Variants in SORCS2 observed in about 807,000 individuals in gnomAD.
SORCS2 encodes the protein VPS10 domain-containing receptor SorCS2.
SORCS2 carries 100 observed loss-of-function variants against 141.6 expected under a neutral mutation model. The observed-to-expected ratio is 0.71, with a 90% CI of 0.60 to 0.83. The LOEUF (loss-of-function observed/expected upper bound fraction) is 0.83. Ranked by LOEUF, SORCS2 falls within the 40% of genes least tolerant of loss-of-function variation. SORCS2 has a pLI of 0.00. For missense variants in SORCS2, 1,646 were observed against 1,560.2 expected, an observed-to-expected ratio of 1.05 and a Z score of -0.93; for synonymous variants, 789 against 676.9, an observed-to-expected ratio of 1.17 and a Z score of -2.57.
chr4:7,412,743 C>A (rs936736246), intron 2 of SORCS2, among the ~76,000 whole-genome samples: 1 of 152,072 alleles, frequency 6.6e-6, no homozygotes, highest in Non-Finnish European at 1.5e-5. Flanking sequence ...CCCCAAGCAC[C>A]CTTGCTGCTT....
At chr4:7,226,445 G>A (rs1463595520) in intron 1 of SORCS2, among the ~76,000 whole-genome samples, 1 of 152,220 alleles carries the variant, frequency 6.6e-6, no homozygotes, top group South Asian at 2.1e-4. Context: ...GGTCAGTGCC[G>A]TTCCGTTTGC....
At chr4:7,739,067 A>G (rs942244605) in intron 26 of SORCS2, among the ~76,000 whole-genome samples, 1 of 152,128 alleles carries the variant, frequency 6.6e-6, no homozygotes, top group Non-Finnish European at 1.5e-5. Context: ...ACACCGTCTG[A>G]CTTCCCGGAG....
chr4:7,707,883 C>A (rs1577100046), intron 14 of SORCS2, among the ~76,000 whole-genome samples: 1 of 152,126 alleles, frequency 6.6e-6, no homozygotes, highest in East Asian at 1.9e-4. Flanking sequence ...GGGCCCATCA[C>A]CCCCAGGACC....
intron 1 of SORCS2, among the ~76,000 whole-genome samples, chr4:7,336,292 T>C (rs996765762): frequency 2.0e-5 from 3 of 152,174 alleles, no homozygotes; most frequent in Admixed American, 6.5e-5. Context: ...AGCGGGCAGC[T>C]TGGGGATGCT....
chr4:7,636,069 C>T (rs1269193473), intron 3 of SORCS2, among the ~76,000 whole-genome samples: 1 of 152,218 alleles, frequency 6.6e-6, no homozygotes, highest in Non-Finnish European at 1.5e-5. Flanking sequence ...TGCCATTGCC[C>T]ACTGCCCTCC....
chr4:7,611,438 A>G (rs902752834), intron 3 of SORCS2, among the ~76,000 whole-genome samples: 1 of 152,254 alleles, frequency 6.6e-6, no homozygotes, highest in Middle Eastern at 3.4e-3. Flanking sequence ...GCCGACCAGC[A>G]CCCTGAGACT....
intron 2 of SORCS2, among the ~76,000 whole-genome samples, chr4:7,403,991 ATATATATTTT>A (rs1193867719): frequency 7.9e-4 from 4 of 5,052 alleles, no homozygotes; most frequent in African/African-American, 1.5e-3. Flanking sequence ...ATATATATAT[ATATATATTTT>A]TTTTTTTTTT....
intron 2 of SORCS2, among the ~76,000 whole-genome samples, chr4:7,448,021 G>A (rs1236211923): frequency 6.6e-6 from 1 of 152,156 alleles, no homozygotes; most frequent in Non-Finnish European, 1.5e-5. Flanking sequence ...GTGTATGAGC[G>A]GCTCGTGCTG....
At chr4:7,287,536 A>C (rs912989540) in intron 1 of SORCS2, among the ~76,000 whole-genome samples, 2 of 152,242 alleles carry the variant, frequency 1.3e-5, no homozygotes, top group Non-Finnish European at 2.9e-5. Context: ...CTTCATGGCC[A>C]CTTGCATTTG....
At chr4:7,200,306 G>A (rs1030427962) in intron 1 of SORCS2, among the ~76,000 whole-genome samples, 73 of 152,160 alleles carry the variant, frequency 4.8e-4, no homozygotes, top group African/African-American at 1.7e-3. Flanking sequence ...CTGACCCCGG[G>A]GTCCCTCCCC....
intron 1 of SORCS2, among the ~76,000 whole-genome samples, chr4:7,219,272 A>G (rs1341497525): frequency 1.3e-5 from 2 of 152,046 alleles, no homozygotes; most frequent in African/African-American, 2.4e-5. Flanking sequence ...GAGGTAACCC[A>G]TGCGACAGCC....
At chr4:7,440,656 C>A (rs61365943) in intron 2 of SORCS2, among the ~76,000 whole-genome samples, 2 of 152,014 alleles carry the variant, frequency 1.3e-5, no homozygotes, top group African/African-American at 2.4e-5. Context: ...TCTCCCATCC[C>A]CTCTGCCTGG....
intron 3 of SORCS2, among the ~76,000 whole-genome samples, chr4:7,579,126 C>T (rs942563014): frequency 6.6e-6 from 1 of 152,164 alleles, no homozygotes; most frequent in Non-Finnish European, 1.5e-5. Context: ...TCCCCAGACT[C>T]ACACTTGGGG....
chr4:7,521,226 G>A (rs1733309076), intron 2 of SORCS2, among the ~76,000 whole-genome samples: 1 of 152,042 alleles, frequency 6.6e-6, no homozygotes, highest in African/African-American at 2.4e-5. Context: ...CGTGCTGAAG[G>A]GCATCCTGCT....
chr4:7,410,237 A>G (rs192918837), intron 2 of SORCS2, among the ~76,000 whole-genome samples: 4 of 152,242 alleles, frequency 2.6e-5, no homozygotes, highest in Non-Finnish European at 4.4e-5. Flanking sequence ...TTCTTGGTAG[A>G]TAACGCTGAG....
At chr4:7,319,250 T>C (rs750491514) in intron 1 of SORCS2, among the ~76,000 whole-genome samples, 1 of 152,176 alleles carries the variant, frequency 6.6e-6, no homozygotes, top group Non-Finnish European at 1.5e-5. Flanking sequence ...ATAAATAATA[T>C]TATGCCTGGA....
intron 23 of SORCS2, among the ~76,000 whole-genome samples, chr4:7,731,754 T>G (rs760609398): frequency 2.6e-5 from 4 of 152,136 alleles, no homozygotes; most frequent in Non-Finnish European, 5.9e-5. Flanking sequence ...AAACTGAATA[T>G]CCACATGCAG....
chr4:7,367,462 G>C (rs1289717200), intron 1 of SORCS2, among the ~76,000 whole-genome samples: 3 of 152,260 alleles, frequency 2.0e-5, no homozygotes, highest in Non-Finnish European at 4.4e-5. Context: ...ATGTGAGCCT[G>C]TCGGTGCTGC....
intron 3 of SORCS2, among the ~76,000 whole-genome samples, chr4:7,633,791 T>TTGGATCACCTGAG (rs1405786080): frequency 5.0e-5 from 3 of 59,540 alleles, no homozygotes; most frequent in Non-Finnish European, 1.5e-4. Flanking sequence ...CGCTCCTTCA[T>TTGGATCACCTGAG]GTGTCCGTCA....
Sources: gnomAD v4.1 joint callset for allele counts (sites outside exome capture counted in the v4.1 genomes callset) on GRCh38, gnomAD v4.1.1 for gene constraint, MANE v1.5 for transcripts, NCBI Gene and HGNC (gene_info 2026-07-23, HGNC 2026-07-21) for gene names.